Variants in MINAR1 observed in about 807,000 individuals in gnomAD.
MINAR1 encodes the protein major intrinsically disordered Notch2-binding receptor 1.
MINAR1 carries 40 observed loss-of-function variants against 65.1 expected under a neutral mutation model. The ratio of observed to expected loss-of-function variants is 0.61; its 90% CI spans 0.48 to 0.80. The LOEUF (loss-of-function observed/expected upper bound fraction) is 0.80. MINAR1 is among the 30% of genes least tolerant of loss of function. The pLI, the probability that MINAR1 is intolerant of heterozygous loss-of-function variation, is 0.00. For missense variants in MINAR1, 1,128 were observed against 1,148.0 expected (o/e 0.98, Z 0.25); for synonymous variants, 482 against 449.1 (o/e 1.07, Z -0.93).
At chr15:79,433,142 G>C (rs1040953901) in intron 1 of MINAR1, among the ~76,000 whole-genome samples, 3 of 152,284 alleles carry the variant, frequency 2.0e-5, no homozygotes, top group Non-Finnish European at 2.9e-5. Context: ...GCTCACACGC[G>C]GTCCAACTCA....
rs1686477373 is a variant in MINAR1, at chr15:79,462,249, C to T, written c.2299-818C>T. On this transcript the variant is annotated intron_variant, in intron 2 of 3. Coordinates refer to ENST00000305428, the MANE Select transcript of MINAR1 (RefSeq NM_015206.3). The stretch of plus-strand genomic sequence containing the variant: ...TTAGCAGAGGAGCCAGATGGGCAAA[C>T]AGGCAGTTATAGTTCAAAGGCGCAA... Among the ~76,000 whole-genome samples, 4 of 152,126 alleles carry T rather than the reference C, an allele frequency of 2.6e-5. No individual in the cohort carries two copies. In the South Asian group the frequency reaches 8.3e-4, roughly 32 times the overall value.
rs1895811244 is a variant in MINAR1, at chr15:79,465,592, T to G, written c.2553+2271T>G. The stretch of plus-strand genomic sequence containing the variant: ...CAGCCCGTAATAGTGTATATAGCTA[T>G]GAAAGAAAGCCAATTTCCTTCTGTC... On this transcript the variant is annotated intron_variant, in intron 3 of 3. Transcript: ENST00000305428. 2.0e-5 allele frequency among the ~76,000 whole-genome samples: 3 copies of G among 152,140 alleles called. No individual in the cohort carries two copies. The South Asian group carries it at 6.2e-4, about 31-fold the overall frequency.
chr15:79,435,566 A>G (rs1894576125), intron 1 of MINAR1, among the ~76,000 whole-genome samples: 1 of 152,238 alleles, frequency 6.6e-6, no homozygotes, highest in South Asian at 2.1e-4. Flanking sequence ...TGGGAGGACC[A>G]TAACTTTTTC....
chr15:79,455,137 T>A (rs1337344108), intron 1 of MINAR1, among the ~76,000 whole-genome samples: 2 of 152,212 alleles, frequency 1.3e-5, no homozygotes, highest in Non-Finnish European at 2.9e-5. Flanking sequence ...ATAAAATTCT[T>A]TCAACTTTGC....
rs778774347 is a variant in MINAR1 at position 79,458,045 on chromosome 15, A to G, written c.1898A>G (p.Lys633Arg). The G allele has an allele frequency of 3.7e-6, 6 of 1,614,070 alleles. No homozygotes were observed. In the East Asian group the frequency reaches 1.1e-4, roughly 30 times the overall value. The change falls in exon 2 of 4, where the codon AAA (lysine) becomes AGA (arginine). Residue 633 changes from lysine to arginine, a missense_variant. Physicochemically the swap from Lys to Arg is conservative, Grantham distance 26 (BLOSUM62 2). Coordinates refer to ENST00000305428, the MANE Select transcript of MINAR1 (RefSeq NM_015206.3). ...GGCAAACTAAATAAATTGGACCAGAAAATGCAACAGCCTGAGAAGGTGAGT... is the reference window on the plus strand; with the variant it reads ...GGCAAACTAAATAAATTGGACCAGAGAATGCAACAGCCTGAGAAGGTGAGT... ...VLGKLNKLDQKMQQPEKVSVQ... is the reference protein window; with the variant it reads ...VLGKLNKLDQRMQQPEKVSVQ...
chr15:79,431,511 GT>G (rs201579159), upstream of MINAR1, among the ~76,000 whole-genome samples: 7,585 of 140,696 alleles, frequency 0.054, 362 homozygotes, highest in African/African-American at 0.1. Context: ...ATGTGTGTGT[GT>G]GTGGGGGGGG....
Position 79,457,483 on chromosome 15 carries a change from C to CT in MINAR1, c.1337dup (p.Glu447GlyfsTer4), listed in dbSNP as rs1567058555. 6.2e-7 allele frequency: 1 copy of CT among 1,614,166 alleles called. No individual in the cohort carries two copies. The highest frequency in any genetic ancestry group is 1.1e-5 in the South Asian group (1 of 91,080). On this transcript the variant is annotated frameshift_variant, in exon 2 of 4. Transcript: ENST00000305428. LOFTEE classifies it high-confidence loss of function. ...TAAAGAGATCTCATCCCCTGTTGAC[C>CT]TGGAGAAGCATGAACCAGTCAAAAA... is the stretch of plus-strand genomic sequence containing the variant.
Position 79,442,065 on chromosome 15 carries a change from GTTTTT to G in MINAR1, c.-51+9531_-51+9535del, listed in dbSNP as rs145585936. Among the ~76,000 whole-genome samples, 93 of 133,618 alleles carry G rather than the reference GTTTTT, an allele frequency of 7.0e-4. 1 individual carries two copies. The highest frequency in any genetic ancestry group is 2.4e-3 in the African/African-American group (89 of 36,746). The allele number at this position is 133,618 out of a possible 152,430, so 87.7% of individuals were successfully genotyped here. A position where few individuals can be genotyped will look rare whatever the true frequency, so the allele number is the denominator to read the frequency against. ...GGTTTTTTTACTTTTTTTTTTTACT[GTTTTT>G]TTTTTATGTTTACTGACATGGTAAG... On this transcript the variant is annotated intron_variant, in intron 1 of 3. Transcript: ENST00000305428.
At chr15:79,431,513 GT>G (rs58875781), upstream of MINAR1, among the ~76,000 whole-genome samples, 8,488 of 133,954 alleles carry the variant, frequency 0.063, 758 homozygotes, top group African/African-American at 0.19. Context: ...GTGTGTGTGT[GT>G]GGGGGGGGAG....
intron 3 of MINAR1, among the ~76,000 whole-genome samples, chr15:79,467,086 AGAAT>A (rs1342418159): frequency 1.3e-5 from 2 of 151,124 alleles, no homozygotes; most frequent in South Asian, 2.1e-4. Flanking sequence ...ATGAAAAAAG[AGAAT>A]GAATCTAGAA....
the MINAR1 span, chr15:79,411,595 A>G: frequency 7.4e-6 from 5 of 675,640 alleles, no homozygotes; most frequent in South Asian, 1.6e-5. Context: ...CAGAGCTACC[A>G]TGCACTGGGA....
chr15:79,439,463 A>G (rs1894801115), intron 1 of MINAR1, among the ~76,000 whole-genome samples: 1 of 150,882 alleles, frequency 6.6e-6, no homozygotes, highest in Non-Finnish European at 1.5e-5. Context: ...TGGGTGGAGT[A>G]GGCCATGAGT....
intron 2 of MINAR1, among the ~76,000 whole-genome samples, chr15:79,459,548 T>A (rs1895571600): frequency 6.6e-6 from 1 of 152,130 alleles, no homozygotes; most frequent in South Asian, 2.1e-4. Context: ...AAAAGGTCAG[T>A]GGACAGAGAA....
chr15:79,448,166 G>C (rs1309352337), intron 1 of MINAR1, among the ~76,000 whole-genome samples: 2 of 152,218 alleles, frequency 1.3e-5, no homozygotes, highest in African/African-American at 4.8e-5. Context: ...CATAATCAGA[G>C]TTTTTCACAT....
rs750465556 is a variant in MINAR1 at position 79,468,280 on chromosome 15, G to A, written c.2647G>A (p.Glu883Lys). The A allele has an allele frequency of 1.7e-5, 28 of 1,613,910 alleles. No individual in the cohort carries two copies. The South Asian group carries it at 2.1e-4, about 12-fold the overall frequency. The part of the protein sequence containing the change: ...YDSLLKRKEA[E>K]FRRAKVCKIA... ...TTCATTACTAAAACGTAAAGAAGCC[G>A]AATTCAGACGAGCCAAGGTCTGCAA... The change falls in exon 4 of 4, where the codon GAA becomes AAA. Residue 883 changes from glutamate (E) to lysine (K), a missense_variant. By Grantham distance (56) the Glu-to-Lys change is moderately conservative. Coordinates refer to ENST00000305428, the MANE Select transcript of MINAR1 (RefSeq NM_015206.3).
intron 2 of MINAR1, among the ~76,000 whole-genome samples, chr15:79,459,427 A>G (rs999893096): frequency 2.0e-5 from 3 of 152,070 alleles, no homozygotes; most frequent in Non-Finnish European, 4.4e-5. Context: ...GTTTGTTTCT[A>G]TGGGACCTGT....
At chr15:79,431,932 C>T (rs1324704855), upstream of MINAR1, among the ~76,000 whole-genome samples, 3 of 152,216 alleles carry the variant, frequency 2.0e-5, no homozygotes, top group African/African-American at 7.2e-5. Flanking sequence ...AGGGCACCCC[C>T]TTGGCGCGAC....
In MINAR1 at chr15:79,451,369, G is replaced by A. The variant is rs35113911; in HGVS notation, c.-50-4729G>A. On this transcript the variant is annotated intron_variant, in intron 1 of 3. Transcript: ENST00000305428. ...AGGCGGAGGGCTGTTGAGCACCACG[G>A]AGGGAACAGAGGAGACTCTGGGACC... Among the ~76,000 whole-genome samples the A allele has an allele frequency of 2.3e-3, 349 of 152,318 alleles. 1 individual carries two copies. Among genetic ancestry groups the A allele is most frequent in the Non-Finnish European group, 4.3e-3 (292 of 68,022 alleles).
chr15:79,420,943 T>G, the MINAR1 span: 1 of 152,350 alleles, frequency 6.6e-6, no homozygotes, highest in Non-Finnish European at 1.5e-5. Flanking sequence ...TGTAATCACA[T>G]GGTGACGATA....
Sources: gnomAD v4.1 joint callset for allele counts (sites outside exome capture counted in the v4.1 genomes callset) on GRCh38, gnomAD v4.1.1 for gene constraint, MANE v1.5 for transcripts, NCBI Gene and HGNC (gene_info 2026-07-23, HGNC 2026-07-21) for gene names.